The following BEND5 variants were observed in gnomAD, a reference collection of about 807,000 sequenced individuals.
BEND5 encodes BEN domain-containing protein 5.
BEND5 carries 22 observed loss-of-function variants against 43.9 expected under a neutral mutation model. The observed-to-expected ratio is 0.50, with a 90% CI of 0.36 to 0.72. The LOEUF is 0.72. Ranked by LOEUF, BEND5 falls within the 30% of genes least tolerant of loss-of-function variation. The pLI, the probability that BEND5 is intolerant of heterozygous loss-of-function variation, is 0.00. For missense variants in BEND5, 428 were observed against 550.6 expected (o/e 0.78, Z 2.23); for synonymous variants, 228 against 225.9 (o/e 1.01, Z -0.08).
intron 3 of BEND5, among the ~76,000 whole-genome samples, chr1:48,753,098 T>C (rs4926752): frequency 0.41 from 62,650 of 152,080 alleles, 14,585 homozygotes; most frequent in Non-Finnish European, 0.54. Flanking sequence ...TTCACTCTCT[T>C]GTACAGATGA....
At position 48,776,788 on chromosome 1, in the gene BEND5, G is replaced by A; in HGVS notation, c.44C>T (p.Ala15Val). Residue 15 changes from alanine (A) to valine (V), a missense_variant, in exon 1 of 6, where the codon GCG becomes GTG. Physicochemically the swap from Ala to Val is moderately conservative, Grantham distance 64. Transcript: ENST00000371833. ...VRFLEDNVCYALPVSCVRDFS... is the reference protein window; with the variant it reads ...VRFLEDNVCYVLPVSCVRDFS... Reference sequence around the variant, plus strand: ...GTCGCGCACGCACGACACGGGCAGCGCGTAGCAGACGTTGTCCTCCAGGAA... The same window carrying A: ...GTCGCGCACGCACGACACGGGCAGCACGTAGCAGACGTTGTCCTCCAGGAA... 2 of 1,525,674 alleles carry A rather than the reference G, an allele frequency of 1.3e-6. No individual in the cohort carries two copies. The highest frequency in any genetic ancestry group is 1.8e-6 in the Non-Finnish European group (2 of 1,137,100). 94.5% of individuals were successfully genotyped at this position (1,525,674 alleles called of 1,614,324 possible). A position where few individuals can be genotyped will look rare whatever the true frequency, so the allele number is the denominator to read the frequency against.
Position 48,736,506 on chromosome 1 carries a change from A to C in BEND5, c.895-54T>G. Reference sequence around the variant, plus strand: ...TTTAGTCCGACAGGAGGGCAGTGGGAGGCTTCTCTTGTCCTTTAAAAAGCA... The same window carrying C: ...TTTAGTCCGACAGGAGGGCAGTGGGCGGCTTCTCTTGTCCTTTAAAAAGCA... On this transcript the variant is annotated intron_variant, in intron 4 of 5. Coordinates refer to ENST00000371833, the MANE Select transcript of BEND5 (RefSeq NM_024603.4). This position sits in a 1 kb window ranked among gnomAD's most constrained non-coding sequence, Gnocchi z 4.0. 2.0e-6 allele frequency: 3 copies of C among 1,492,256 alleles called. No individual in the cohort carries two copies. The highest frequency in any genetic ancestry group is 2.8e-6 in the Non-Finnish European group (3 of 1,074,760). The allele number at this position is 1,492,256 out of a possible 1,614,324, so 92.4% of individuals were successfully genotyped here.
chr1:48,774,238 T>C (rs1644969687), intron 1 of BEND5, among the ~76,000 whole-genome samples: 4 of 152,194 alleles, frequency 2.6e-5, no homozygotes, highest in Admixed American at 1.3e-4. Flanking sequence ...CCTGGTGCCA[T>C]AGCACAGTGG....
At chr1:48,773,353 C>T (rs1447641775) in intron 1 of BEND5, among the ~76,000 whole-genome samples, 1 of 152,102 alleles carries the variant, frequency 6.6e-6, no homozygotes, top group Admixed American at 6.6e-5. Context: ...TCACAACCTG[C>T]TTGGCAAATA....
chr1:48,772,489 T>G (rs990930914), intron 1 of BEND5, among the ~76,000 whole-genome samples: 1 of 151,668 alleles, frequency 6.6e-6, no homozygotes, highest in African/African-American at 2.4e-5. Flanking sequence ...TGCGAGAGAG[T>G]GTGTTCACAG....
intron 4 of BEND5, among the ~76,000 whole-genome samples, chr1:48,741,710 A>C (rs1312226938): frequency 2.0e-5 from 3 of 152,236 alleles, no homozygotes. Context: ...AACCTAACAG[A>C]GAATGATACT....
chr1:48,747,105 G>C (rs1352791976), intron 3 of BEND5, among the ~76,000 whole-genome samples: 1 of 152,140 alleles, frequency 6.6e-6, no homozygotes, highest in Non-Finnish European at 1.5e-5. Flanking sequence ...AATTTCTGAG[G>C]CATTGTTCTC....
Position 48,776,596 on chromosome 1 carries a change from G to A in BEND5, c.226+10C>T. 3.5e-6 allele frequency: 4 copies of A among 1,149,632 alleles called. No homozygotes were observed. Among genetic ancestry groups the A allele is most frequent in the South Asian group, 3.2e-5 (2 of 62,352 alleles). The allele number at this position is 1,149,632 out of a possible 1,614,324, so 71.2% of individuals were successfully genotyped here. A position where few individuals can be genotyped will look rare whatever the true frequency, so the allele number is the denominator to read the frequency against. On this transcript the variant is annotated intron_variant, in intron 1 of 5. Coordinates refer to ENST00000371833, the MANE Select transcript of BEND5 (RefSeq NM_024603.4). ...CGGGTCCCACCGTCCCTCCCCGCCC[G>A]CTTGCTCACCTGCCAGCGCCAGGAT...
At chr1:48,750,806 C>T (rs1225619137) in intron 3 of BEND5, among the ~76,000 whole-genome samples, 1 of 152,184 alleles carries the variant, frequency 6.6e-6, no homozygotes, top group Admixed American at 6.5e-5. Flanking sequence ...GGCAGGGAGA[C>T]AGCAGAAAGC....
chr1:48,729,359 G>C (rs1388740767), intron 5 of BEND5, among the ~76,000 whole-genome samples: 1 of 152,178 alleles, frequency 6.6e-6, no homozygotes, highest in African/African-American at 2.4e-5. Context: ...TAGGGCGTGG[G>C]TGGTGAATGT....
intron 1 of BEND5, among the ~76,000 whole-genome samples, chr1:48,769,047 G>A (rs1469744155): frequency 6.6e-6 from 1 of 152,176 alleles, no homozygotes; most frequent in East Asian, 1.9e-4. Context: ...AACTTGTTTG[G>A]TGATTAGTCC....
intron 3 of BEND5, among the ~76,000 whole-genome samples, chr1:48,745,133 G>A (rs1029764949): frequency 3.9e-5 from 6 of 152,174 alleles, no homozygotes; most frequent in Admixed American, 2.6e-4. Context: ...GTAGGGAAGC[G>A]CCTGGCACAT....
intron 5 of BEND5, among the ~76,000 whole-genome samples, chr1:48,734,166 T>C (rs1027660263): frequency 6.6e-6 from 1 of 152,098 alleles, no homozygotes; most frequent in Non-Finnish European, 1.5e-5. Flanking sequence ...TATCCAAAAA[T>C]AAGCGGCTGC....
At chr1:48,748,998 C>T (rs1651222794) in intron 3 of BEND5, among the ~76,000 whole-genome samples, 1 of 152,022 alleles carries the variant, frequency 6.6e-6, no homozygotes, top group African/African-American at 2.4e-5. Flanking sequence ...GGAATCTGAA[C>T]CACAGAGCAG....
chr1:48,773,007 G>A (rs1470359728), intron 1 of BEND5, among the ~76,000 whole-genome samples: 1 of 152,078 alleles, frequency 6.6e-6, no homozygotes, highest in East Asian at 1.9e-4. Context: ...AGCAGGACAT[G>A]AAAAGTCAAC....
intron 5 of BEND5, among the ~76,000 whole-genome samples, chr1:48,734,642 GCTTATTCTGC>G (rs1414979689): frequency 3.9e-5 from 6 of 152,162 alleles, no homozygotes; most frequent in African/African-American, 1.4e-4. Context: ...CATACCTGCT[GCTTATTCTGC>G]CTGATTTGCC....
chr1:48,728,030 G>A lies in BEND5; in HGVS notation c.1122C>T (p.Asp374=). 3 of 1,607,642 alleles carry A rather than the reference G, an allele frequency of 1.9e-6. No individual in the cohort carries two copies. Among genetic ancestry groups the A allele is most frequent in the Non-Finnish European group, 8.5e-7 (1 of 1,175,930 alleles). Residue 374 remains aspartate (D), a synonymous_variant, in exon 6 of 6, where the codon GAC becomes GAT. Transcript: ENST00000371833. ...CATCCACAGTTTCTTGTGCTATTCT[G>A]TCATACAAACACTCTAGACGGGGAG... ...KLSIVRECLY[D]RIAQETVDET...
chr1:48,753,196 C>A (rs1156235915), intron 3 of BEND5, among the ~76,000 whole-genome samples: 2 of 152,246 alleles, frequency 1.3e-5, no homozygotes, highest in Non-Finnish European at 2.9e-5. Flanking sequence ...CTCAGTATTT[C>A]TGACCTCAGA....
chr1:48,761,607 G>T, intron 1 of BEND5, 137 bp from the exon 2 acceptor site: 1 of 894,050 alleles, frequency 1.1e-6, no homozygotes, highest in Non-Finnish European at 1.7e-6. Flanking sequence ...CAGACTCAAG[G>T]CTGGTTCCCT....
Sources: gnomAD v4.1 joint callset for allele counts (sites outside exome capture counted in the v4.1 genomes callset) on GRCh38, gnomAD v4.1.1 for gene constraint, Gnocchi (gnomAD v3.1) non-coding constraint, MANE v1.5 for transcripts, NCBI Gene and HGNC (gene_info 2026-07-23, HGNC 2026-07-21) for gene names.